The following ADAMTS20 variants were observed in gnomAD, a reference collection of about 807,000 sequenced individuals.
ADAMTS20 encodes ADAM metallopeptidase with thrombospondin type 1 motif 20, also known as A disintegrin and metalloproteinase with thrombospondin motifs 20.
ADAMTS20 carries 225 observed loss-of-function variants against 260.1 expected under a neutral mutation model. The observed-to-expected ratio is 0.87, with a 90% CI of 0.78 to 0.97. The LOEUF is 0.97. Among genes scored for constraint, ADAMTS20 ranks in the 50% least tolerant of loss-of-function variants. The pLI, the probability that ADAMTS20 is intolerant of heterozygous loss-of-function variation, is 0.00. For missense variants in ADAMTS20, 2,400 were observed against 2,337.7 expected, an observed-to-expected ratio of 1.03 and a Z score of -0.55; for synonymous variants, 802 against 769.5, an observed-to-expected ratio of 1.04 and a Z score of -0.70.
In ADAMTS20 at chr12:43,502,331, C is replaced by A. The variant is rs748408659; in HGVS notation, c.688G>T (p.Glu230Ter). The change falls in exon 4 of 39, where the codon GAA becomes TAA. Residue 230 changes from glutamate (E) to a stop codon, truncating the protein, a stop_gained. Transcript: ENST00000389420. LOFTEE classifies it high-confidence loss of function. ...NMNEDLNVMK[E>*]RVLGHTSKNV... ...TTTGATGTGTGTCCTAAAACTCTTT[C>A]TTTCATTACATTAAGATCTTCATTC... 8 of 1,610,210 alleles carry A rather than the reference C, an allele frequency of 5.0e-6. No individual in the cohort carries two copies. The Admixed American group carries it at 1.2e-4, about 24-fold the overall frequency.
intron 2 of ADAMTS20, among the ~76,000 whole-genome samples, chr12:43,543,166 G>T (rs1943399044): frequency 6.6e-6 from 1 of 152,084 alleles, no homozygotes; most frequent in African/African-American, 2.4e-5. Flanking sequence ...AAAAAAACTG[G>T]TCAGGTGTGG....
chr12:43,503,772 T>C (rs1351788315), intron 3 of ADAMTS20, among the ~76,000 whole-genome samples: 1 of 152,112 alleles, frequency 6.6e-6, no homozygotes, highest in South Asian at 2.1e-4. Flanking sequence ...TGTCTATGTA[T>C]TCTTGTTATC....
chr12:43,436,800 C>A (rs1030590773), intron 18 of ADAMTS20, among the ~76,000 whole-genome samples: 30 of 152,158 alleles, frequency 2.0e-4, no homozygotes, highest in Non-Finnish European at 1.5e-5. Flanking sequence ...ACCATGCCAA[C>A]TTCTGTTATC....
chr12:43,485,349 A>G (rs1265915242), intron 7 of ADAMTS20, among the ~76,000 whole-genome samples: 1 of 152,150 alleles, frequency 6.6e-6, no homozygotes, highest in Non-Finnish European at 1.5e-5. Flanking sequence ...AGATTCAGAA[A>G]AAGAACTTGA....
chr12:43,507,871 C>T (rs1425188686), intron 3 of ADAMTS20, among the ~76,000 whole-genome samples: 1 of 152,154 alleles, frequency 6.6e-6, no homozygotes, highest in Non-Finnish European at 1.5e-5. Flanking sequence ...TTATCCTTAA[C>T]AATCTAATGC....
chr12:43,397,362 A>G (rs1940725096), intron 29 of ADAMTS20, among the ~76,000 whole-genome samples: 1 of 152,182 alleles, frequency 6.6e-6, no homozygotes, highest in African/African-American at 2.4e-5. Context: ...ACACAAGATG[A>G]TATTAAGTGA....
chr12:43,546,268 A>G (rs910116905), intron 2 of ADAMTS20, among the ~76,000 whole-genome samples: 2 of 152,210 alleles, frequency 1.3e-5, no homozygotes, highest in African/African-American at 2.4e-5. Context: ...GGTTCATGTG[A>G]GAAACTTCAA....
At chr12:43,485,096 A>C (rs1469655217) in intron 7 of ADAMTS20, among the ~76,000 whole-genome samples, 1 of 42,492 alleles carries the variant, frequency 2.4e-5, no homozygotes, top group Non-Finnish European at 5.1e-5. Flanking sequence ...GACGTAGCCA[A>C]AAAAAAAAAA....
chr12:43,410,051 G>A (rs998972697), intron 28 of ADAMTS20, among the ~76,000 whole-genome samples: 2 of 152,092 alleles, frequency 1.3e-5, no homozygotes, highest in Admixed American at 6.5e-5. Flanking sequence ...TCCAATATAA[G>A]GATTGACTAA....
At chr12:43,394,527 T>C (rs150793811) in intron 29 of ADAMTS20, among the ~76,000 whole-genome samples, 8 of 152,200 alleles carry the variant, frequency 5.3e-5, no homozygotes. Context: ...GTAAAATCTA[T>C]ATATATAATA....
intron 8 of ADAMTS20, 61 bp from the exon 9 acceptor site, chr12:43,466,856 G>T: frequency 8.0e-7 from 1 of 1,245,276 alleles, no homozygotes; most frequent in Non-Finnish European, 1.1e-6. Context: ...ATTAGTAATA[G>T]ATCCTTTATA....
chr12:43,456,552 G>A (rs116959346), intron 11 of ADAMTS20, among the ~76,000 whole-genome samples: 4,159 of 152,144 alleles, frequency 0.027, 73 homozygotes, highest in Non-Finnish European at 0.042. Context: ...CTTGTTCCTC[G>A]GTGCTGCAAA....
intron 3 of ADAMTS20, among the ~76,000 whole-genome samples, chr12:43,515,635 G>A (rs1321138112): frequency 6.6e-6 from 1 of 152,066 alleles, no homozygotes; most frequent in Non-Finnish European, 1.5e-5. Context: ...TAAATCTAGT[G>A]TTAAAAAACT....
intron 7 of ADAMTS20, among the ~76,000 whole-genome samples, chr12:43,488,415 G>C (rs1042011499): frequency 6.6e-6 from 1 of 152,030 alleles, no homozygotes; most frequent in African/African-American, 2.4e-5. Context: ...CAGTGACTTC[G>C]AACTTCTTTG....
In ADAMTS20 at chr12:43,427,397, T is replaced by C. The variant is rs1392747477; in HGVS notation, c.4018A>G (p.Ser1340Gly). The C allele has an allele frequency of 6.2e-7, 1 of 1,613,972 alleles. No individual in the cohort carries two copies. Among genetic ancestry groups the C allele is most frequent in the South Asian group, 1.1e-5 (1 of 91,086 alleles). Residue 1340 changes from serine (S) to glycine (G), a missense_variant, in exon 27 of 39, where the codon AGT (serine) becomes GGT (glycine). Transcript: ENST00000389420. Reference protein sequence around the residue: ...VCQDENGQSASYCDAASKPPE... With the variant: ...VCQDENGQSAGYCDAASKPPE... Reference sequence around the variant, plus strand: ...GGCTTGGAGGCTGCATCGCAGTAACTAGCACTTTGTCCATTTTCATCCTGG... The same window carrying C: ...GGCTTGGAGGCTGCATCGCAGTAACCAGCACTTTGTCCATTTTCATCCTGG...
chr12:43,443,556 C>T (rs190014139), intron 16 of ADAMTS20, among the ~76,000 whole-genome samples: 12 of 150,134 alleles, frequency 8.0e-5, no homozygotes, highest in East Asian at 3.9e-4. Context: ...CTAAAATACA[C>T]GAGAAAAAAA....
Position 43,446,681 on chromosome 12 carries a change from C to T in ADAMTS20, c.2111G>A (p.Ser704Asn). The change falls in exon 15 of 39, where the codon AGT becomes AAT. Residue 704 changes from serine (S) to asparagine (N), a missense_variant. Ser to Asn is a conservative substitution (Grantham distance 46). Coordinates refer to ENST00000389420, the MANE Select transcript of ADAMTS20 (RefSeq NM_025003.5). ...AAGCDHVLNSSAKIDKCGVCG... is the reference protein window; with the variant it reads ...AAGCDHVLNSNAKIDKCGVCG... Reference sequence around the variant, plus strand: ...CACTCCACATTTGTCTATCTTGGCACTGGAGTTTAACACGTGATCACAACC... The same window carrying T: ...CACTCCACATTTGTCTATCTTGGCATTGGAGTTTAACACGTGATCACAACC... 6.2e-7 allele frequency: 1 copy of T among 1,613,362 alleles called. No individual in the cohort carries two copies. The highest frequency in any genetic ancestry group is 8.5e-7 in the Non-Finnish European group (1 of 1,179,546).
intron 7 of ADAMTS20, among the ~76,000 whole-genome samples, chr12:43,474,007 T>G (rs1477235502): frequency 1.3e-5 from 2 of 148,544 alleles, no homozygotes; most frequent in African/African-American, 2.5e-5. Flanking sequence ...CTGAAGGAAA[T>G]AGAGACACAA....
At chr12:43,354,767 C>T (rs1939709468) in intron 38 of ADAMTS20, among the ~76,000 whole-genome samples, 1 of 152,128 alleles carries the variant, frequency 6.6e-6, no homozygotes. Flanking sequence ...TTATTTCAAG[C>T]ATCTCGTGGA....
Sources: gnomAD v4.1 joint callset for allele counts (sites outside exome capture counted in the v4.1 genomes callset) on GRCh38, gnomAD v4.1.1 for gene constraint, MANE v1.5 for transcripts, NCBI Gene and HGNC (gene_info 2026-07-23, HGNC 2026-07-21) for gene names.